CEP63: variants seen among roughly 807,000 people sequenced by gnomAD.
The protein encoded by CEP63 is centrosomal protein 63, also known as centrosomal protein of 63 kDa.
CEP63 carries 84 observed loss-of-function variants against 89.1 expected under a neutral mutation model. The observed-to-expected ratio is 0.94, with a 90% confidence interval of 0.79 to 1.13. The LOEUF is 1.13. Ranked by LOEUF, CEP63 falls within the 50% of genes most tolerant of loss-of-function variation. CEP63 has a pLI of 0.00. For synonymous variants in CEP63, 267 were observed against 272.5 expected (o/e 0.98, Z 0.20); for missense variants, 838 against 813.3 (o/e 1.03, Z -0.37).
chr3:134,662,148 A>T, the CEP63 span, among the ~76,000 whole-genome samples: 2 of 152,144 alleles, frequency 1.3e-5, no homozygotes, highest in Admixed American at 1.3e-4. Flanking sequence ...GTGGTGATGC[A>T]TGCTGGTAAT....
At chr3:134,696,465 G>A in the CEP63 span, among the ~76,000 whole-genome samples, 3 of 152,224 alleles carry the variant, frequency 2.0e-5, no homozygotes, top group Non-Finnish European at 2.9e-5. Flanking sequence ...GCCTTGTGCT[G>A]CTCAGACTAC....
At chr3:134,671,525 G>A in the CEP63 span, among the ~76,000 whole-genome samples, 13 of 152,216 alleles carry the variant, frequency 8.5e-5, no homozygotes, top group African/African-American at 2.4e-4. Context: ...AAACATAGAA[G>A]AAAAATGTTG....
chr3:134,521,280 A>G (rs778928367), intron 3 of CEP63, among the ~76,000 whole-genome samples: 2 of 152,210 alleles, frequency 1.3e-5, no homozygotes, highest in Non-Finnish European at 2.9e-5. Context: ...AAGTTACTAT[A>G]GGGGTATGAA....
At chr3:134,500,234 T>C (rs918082274) in intron 2 of CEP63, among the ~76,000 whole-genome samples, 1 of 152,218 alleles carries the variant, frequency 6.6e-6, no homozygotes, top group Admixed American at 6.5e-5. Context: ...CTTAGGATAA[T>C]AGCCTGCAGC....
At chr3:134,495,170 C>G (rs1939359213) in intron 1 of CEP63, 126 bp from the exon 2 acceptor site, 2 of 724,246 alleles carry the variant, frequency 2.8e-6, no homozygotes, top group Non-Finnish European at 5.0e-6. Context: ...CTTCTACAGT[C>G]ATCTTAAGAA....
At chr3:134,725,732 C>G in the CEP63 span, among the ~76,000 whole-genome samples, 1 of 152,194 alleles carries the variant, frequency 6.6e-6, no homozygotes, top group African/African-American at 2.4e-5. Flanking sequence ...CAGAGACAGG[C>G]CTCAGAGTTG....
At chr3:134,654,343 A>G in the CEP63 span, among the ~76,000 whole-genome samples, 1 of 152,194 alleles carries the variant, frequency 6.6e-6, no homozygotes, top group Non-Finnish European at 1.5e-5. Context: ...ACCATCAGTC[A>G]TAGCTGTTTT....
At chr3:134,556,664 A>C (rs1956250549) in intron 12 of CEP63, among the ~76,000 whole-genome samples, 1 of 152,188 alleles carries the variant, frequency 6.6e-6, no homozygotes, top group Admixed American at 6.5e-5. Context: ...CTCTCAGGGG[A>C]ACTTAAGCCA....
chr3:134,773,737 T>A, the CEP63 span, among the ~76,000 whole-genome samples: 1 of 152,086 alleles, frequency 6.6e-6, no homozygotes, highest in Non-Finnish European at 1.5e-5. Flanking sequence ...TGATTAAATG[T>A]TGCCTCCTCA....
chr3:134,546,570 C>T (rs1017295525), intron 8 of CEP63, among the ~76,000 whole-genome samples: 3 of 151,994 alleles, frequency 2.0e-5, no homozygotes, highest in South Asian at 2.1e-4. Flanking sequence ...TTGGCTAGGC[C>T]GGTCTTAAAT....
At chr3:134,631,486 C>T in the CEP63 span, among the ~76,000 whole-genome samples, 1 of 152,090 alleles carries the variant, frequency 6.6e-6, no homozygotes, top group Non-Finnish European at 1.5e-5. Flanking sequence ...CTGCCCTCCT[C>T]TCAAGTTCTT....
chr3:134,496,513 A>G (rs563295202), intron 2 of CEP63, among the ~76,000 whole-genome samples: 2 of 152,162 alleles, frequency 1.3e-5, no homozygotes, highest in Non-Finnish European at 2.9e-5. Context: ...GGTTGTCAAC[A>G]TTCTTGCAAG....
At chr3:134,652,221 G>A in the CEP63 span, among the ~76,000 whole-genome samples, 9 of 152,154 alleles carry the variant, frequency 5.9e-5, no homozygotes, top group African/African-American at 2.2e-4. Flanking sequence ...TGGCATGAAT[G>A]TAAGGCGCCT....
At chr3:134,499,667 T>C (rs1219707345) in intron 2 of CEP63, among the ~76,000 whole-genome samples, 1 of 152,156 alleles carries the variant, frequency 6.6e-6, no homozygotes, top group African/African-American at 2.4e-5. Flanking sequence ...GTTTGTTAAA[T>C]GGGTGTATTG....
chr3:134,761,287 A>G, the CEP63 span, among the ~76,000 whole-genome samples: 3 of 152,178 alleles, frequency 2.0e-5, no homozygotes, highest in Non-Finnish European at 2.9e-5. Context: ...CAGGGTTTTT[A>G]ATTTTCATGC....
At chr3:134,705,965 T>C in the CEP63 span, among the ~76,000 whole-genome samples, 4 of 152,172 alleles carry the variant, frequency 2.6e-5, no homozygotes, top group Non-Finnish European at 5.9e-5. Context: ...CCAGGAATAT[T>C]TGAACTGGAA....
At chr3:134,519,214 C>T (rs1946888757) in intron 3 of CEP63, among the ~76,000 whole-genome samples, 1 of 152,116 alleles carries the variant, frequency 6.6e-6, no homozygotes, top group South Asian at 2.1e-4. Context: ...ACCTCTGCCT[C>T]CTGGGTTCAA....
At chr3:134,518,750 CAAAA>C (rs1239433655) in intron 3 of CEP63, among the ~76,000 whole-genome samples, 1 of 150,660 alleles carries the variant, frequency 6.6e-6, no homozygotes, top group Non-Finnish European at 1.5e-5. Context: ...TCAAGAAAAA[CAAAA>C]AAACCCCAGC....
the CEP63 span, among the ~76,000 whole-genome samples, chr3:134,611,815 C>T: frequency 1.3e-5 from 2 of 152,182 alleles, no homozygotes; most frequent in Admixed American, 6.5e-5. Flanking sequence ...AAGAGGGCCA[C>T]GGAGCCTCCC....
Sources: gnomAD v4.1 joint callset for allele counts (sites outside exome capture counted in the v4.1 genomes callset) on GRCh38, gnomAD v4.1.1 for gene constraint, MANE v1.5 for transcripts, NCBI Gene and HGNC (gene_info 2026-07-23, HGNC 2026-07-21) for gene names.